The following AGBL4 variants were observed in gnomAD, a reference collection of about 807,000 sequenced individuals.
The protein encoded by AGBL4 is AGBL carboxypeptidase 4, also known as cytosolic carboxypeptidase 6.
A neutral mutation model predicts 66.4 loss-of-function variants in AGBL4; 58 were observed. That is an observed-to-expected ratio of 0.87 (90% CI 0.71 to 1.09). The LOEUF is 1.09. Ranked by LOEUF, AGBL4 falls within the 50% of genes least tolerant of loss-of-function variation. The probability of loss-of-function intolerance (pLI) is 0.00; values close to 1 mark genes in which losing one functional copy is unlikely to be tolerated. For missense variants in AGBL4, 579 were observed against 631.0 expected, an observed-to-expected ratio of 0.92 and a Z score of 0.88; for synonymous variants, 234 against 222.9, an observed-to-expected ratio of 1.05 and a Z score of -0.44.
At chr1:49,082,855 G>A (rs1368014015) in intron 4 of AGBL4, among the ~76,000 whole-genome samples, 1 of 152,188 alleles carries the variant, frequency 6.6e-6, no homozygotes, top group Non-Finnish European at 1.5e-5. Flanking sequence ...TCAAAAGCAA[G>A]TTAGTTACTT....
chr1:49,400,404 C>T (rs1407147896), intron 3 of AGBL4, among the ~76,000 whole-genome samples: 1 of 149,032 alleles, frequency 6.7e-6, no homozygotes, highest in African/African-American at 2.5e-5. Flanking sequence ...AATTTTTTTT[C>T]TATTTCAGTG....
intron 9 of AGBL4, among the ~76,000 whole-genome samples, chr1:48,629,947 G>A (rs151189981): frequency 2.0e-5 from 3 of 152,308 alleles, no homozygotes; most frequent in African/African-American, 7.2e-5. Flanking sequence ...AGAAGCTCTA[G>A]GTTCGCTTCA....
At chr1:49,058,160 A>G (rs978834189) in intron 4 of AGBL4, among the ~76,000 whole-genome samples, 2 of 152,220 alleles carry the variant, frequency 1.3e-5, no homozygotes, top group African/African-American at 4.8e-5. Flanking sequence ...TGCAAAATGT[A>G]GTATCCTGAT....
At chr1:48,886,108 G>C (rs1037746723) in intron 5 of AGBL4, among the ~76,000 whole-genome samples, 5 of 152,184 alleles carry the variant, frequency 3.3e-5, no homozygotes, top group African/African-American at 7.2e-5. Context: ...TGAGGAAGTA[G>C]GTGGCTAAGA....
chr1:49,095,579 G>T (rs1286332560), intron 4 of AGBL4, among the ~76,000 whole-genome samples: 1 of 152,102 alleles, frequency 6.6e-6, no homozygotes, highest in Non-Finnish European at 1.5e-5. Context: ...ACAAAAACAA[G>T]AAATGGGGAA....
chr1:49,420,271 A>G (rs2148640848), intron 3 of AGBL4, among the ~76,000 whole-genome samples: 1 of 152,350 alleles, frequency 6.6e-6, no homozygotes, highest in African/African-American at 2.4e-5. Context: ...ACAGTTCTAT[A>G]TCAAGGTATG....
intron 6 of AGBL4, among the ~76,000 whole-genome samples, chr1:48,728,890 T>G (rs1647638617): frequency 6.6e-6 from 1 of 152,168 alleles, no homozygotes; most frequent in Non-Finnish European, 1.5e-5. Flanking sequence ...GACAACCTGG[T>G]GGGTGTGAAG....
intron 5 of AGBL4, among the ~76,000 whole-genome samples, chr1:49,011,004 G>A (rs894206517): frequency 6.6e-6 from 1 of 152,074 alleles, no homozygotes; most frequent in Non-Finnish European, 1.5e-5. Context: ...CAAAAGCAAT[G>A]GCAACAAAAG....
At chr1:49,261,492 AC>A in intron 3 of AGBL4, among the ~76,000 whole-genome samples, 1 of 150,110 alleles carries the variant, frequency 6.7e-6, no homozygotes, top group East Asian at 2.0e-4. Flanking sequence ...TACAAAAATC[AC>A]AAGCATTCTT....
intron 2 of AGBL4, among the ~76,000 whole-genome samples, chr1:49,762,708 G>A (rs1414975438): frequency 2.0e-5 from 3 of 152,134 alleles, no homozygotes; most frequent in Non-Finnish European, 2.9e-5. Context: ...CACTGCACCC[G>A]GCCGTGTTGC....
chr1:48,664,157 C>A (rs1258183888), intron 6 of AGBL4, among the ~76,000 whole-genome samples: 1 of 152,192 alleles, frequency 6.6e-6, no homozygotes. Flanking sequence ...AGAAGCCTCA[C>A]TGAGATTCAA....
At chr1:49,160,017 T>C (rs1646510258) in intron 4 of AGBL4, among the ~76,000 whole-genome samples, 1 of 152,218 alleles carries the variant, frequency 6.6e-6, no homozygotes, top group African/African-American at 2.4e-5. Flanking sequence ...ATGTGCTCCT[T>C]AAGCTTGGAA....
At position 49,048,283 on chromosome 1, in the gene AGBL4, G is replaced by A. The variant is rs76738764; in HGVS notation, c.378-2483C>T. The A allele has an allele frequency of 2.0e-5, 3 of 152,134 alleles. No individual in the cohort carries two copies. In the East Asian group the frequency reaches 5.8e-4, roughly 29 times the overall value. 9.4% of individuals were successfully genotyped at this position (152,134 alleles called of 1,614,324 possible). ...CCAGGGTATATGCTTTCAATTCTGT[G>A]ACCACAGTTTTCTCCTCTTCCAGCC... On this transcript the variant is annotated intron_variant, in intron 4 of 13. Coordinates refer to ENST00000371839, the MANE Select transcript of AGBL4 (RefSeq NM_032785.4).
chr1:48,635,857 C>A (rs1645660139), intron 8 of AGBL4, among the ~76,000 whole-genome samples: 2 of 152,206 alleles, frequency 1.3e-5, no homozygotes, highest in South Asian at 4.1e-4. Flanking sequence ...TCTAGGCCAG[C>A]AAGTTACCTC....
chr1:48,738,524 C>A (rs1209570367), intron 6 of AGBL4, among the ~76,000 whole-genome samples: 1 of 152,180 alleles, frequency 6.6e-6, no homozygotes, highest in African/African-American at 2.4e-5. Flanking sequence ...GACAAGTTCC[C>A]CACTGCTCCC....
intron 3 of AGBL4, among the ~76,000 whole-genome samples, chr1:49,467,403 C>T (rs545953673): frequency 3.9e-5 from 6 of 151,914 alleles, no homozygotes; most frequent in African/African-American, 9.6e-5. Flanking sequence ...AATATTTGTT[C>T]TCATACACAT....
chr1:48,672,845 G>A (rs772512596), intron 6 of AGBL4, among the ~76,000 whole-genome samples: 3 of 152,202 alleles, frequency 2.0e-5, no homozygotes, highest in Non-Finnish European at 4.4e-5. Context: ...TTATGAAATT[G>A]ATGATGATTC....
rs537052940 is a variant in AGBL4 at position 48,987,149 on chromosome 1, A to G, written c.594+58435T>C. On this transcript the variant is annotated intron_variant, in intron 5 of 13. Transcript: ENST00000371839. ...AAATATCCCCAAAGAAGGAAAAAAAAGAGAAAACAGAAACAAAGACTAGAT... is the reference window on the plus strand; with the variant it reads ...AAATATCCCCAAAGAAGGAAAAAAAGGAGAAAACAGAAACAAAGACTAGAT... 3.3e-5 allele frequency among the ~76,000 whole-genome samples: 5 copies of G among 152,124 alleles called. No individual in the cohort carries two copies. The East Asian group carries it at 9.6e-4, about 29-fold the overall frequency.
chr1:48,900,967 A>G (rs1652024545), intron 5 of AGBL4, among the ~76,000 whole-genome samples: 1 of 152,216 alleles, frequency 6.6e-6, no homozygotes, highest in Admixed American at 6.5e-5. Flanking sequence ...CAAATAATAT[A>G]TCTGATAAAG....
Sources: allele counts gnomAD v4.1 joint callset (sites outside exome capture counted in the v4.1 genomes callset), GRCh38; gene constraint gnomAD v4.1.1; transcripts MANE v1.5; gene names NCBI Gene and HGNC (gene_info 2026-07-23, HGNC 2026-07-21).